The following SMAD2 variants were observed in gnomAD, a reference collection of about 807,000 sequenced individuals.
SMAD2 encodes MAD homolog 2.
Under a neutral mutation model 64.4 loss-of-function variants are expected in SMAD2, and 8 were observed. That is an observed-to-expected ratio of 0.12 (90% CI 0.07 to 0.22). SMAD2 has a LOEUF of 0.22. Among genes scored for constraint, SMAD2 ranks in the 10% least tolerant of loss-of-function variants. The pLI, the probability that SMAD2 is intolerant of heterozygous loss-of-function variation, is 1.00. For missense variants in SMAD2, 289 were observed against 561.2 expected (o/e 0.51, Z 4.90); for synonymous variants, 203 against 195.8 (o/e 1.04, Z -0.31).
intron 2 of SMAD2, among the ~76,000 whole-genome samples, chr18:47,891,262 G>A (rs1308992470): frequency 5.3e-5 from 8 of 152,124 alleles, no homozygotes; most frequent in Non-Finnish European, 7.4e-5. Flanking sequence ...CCGAGATCCC[G>A]CCACTGCACC....
At position 47,814,014 on chromosome 18, in the gene SMAD2, T is replaced by C. The variant is rs1050266464; in HGVS notation, c.*27813A>G. The C allele has an allele frequency of 2.6e-5, 4 of 152,060 alleles. No homozygotes were observed. The highest frequency in any genetic ancestry group is 5.9e-5 in the Non-Finnish European group (4 of 68,046). The allele number at this position is 152,060 out of a possible 1,614,324, so 9.4% of individuals were successfully genotyped here. A position where few individuals can be genotyped will look rare whatever the true frequency, so the allele number is the denominator to read the frequency against. ...CTGTGGTGGAGGTGATAACCTGAAC[T>C]TGGCTTTGAGGAATAAAGAGTTTTA... On this transcript the variant is annotated 3_prime_UTR_variant, in exon 11 of 11. Coordinates refer to ENST00000262160, the MANE Select transcript of SMAD2 (RefSeq NM_005901.6).
chr18:47,828,418 CCT>C lies in SMAD2; in HGVS notation c.*13407_*13408del, dbSNP rs1336994376. 1.5e-3 allele frequency: 245 copies of C among 159,162 alleles called. No individual in the cohort carries two copies. The highest frequency in any genetic ancestry group is 5.7e-3 in the African/African-American group (236 of 41,272). 9.9% of individuals were successfully genotyped at this position (159,162 alleles called of 1,614,324 possible). Reference sequence around the variant, plus strand: ...AGGAGCCCCTCTGCCCGGCCGCCACCCTGTCTGGGAGGTGTACCCAACAGCTC... The same window carrying C: ...AGGAGCCCCTCTGCCCGGCCGCCACCGTCTGGGAGGTGTACCCAACAGCTC... On this transcript the variant is annotated 3_prime_UTR_variant, in exon 11 of 11. Coordinates refer to ENST00000262160, the MANE Select transcript of SMAD2 (RefSeq NM_005901.6).
Position 47,812,135 on chromosome 18 carries a change from C to T in SMAD2, c.*29692G>A, listed in dbSNP as rs1188341381. 1 of 152,122 alleles carries T rather than the reference C, an allele frequency of 6.6e-6. No individual in the cohort carries two copies. Among genetic ancestry groups the T allele is most frequent in the Non-Finnish European group, 1.5e-5 (1 of 68,032 alleles). 9.4% of individuals were successfully genotyped at this position (152,122 alleles called of 1,614,324 possible). Reference sequence around the variant, plus strand: ...CTTGAATTGGAGCTCCCATAATTCCCCATATTATGTGAGGGACCCAGTGAG... The same window carrying T: ...CTTGAATTGGAGCTCCCATAATTCCTCATATTATGTGAGGGACCCAGTGAG... On this transcript the variant is annotated 3_prime_UTR_variant, in exon 11 of 11. Transcript: ENST00000262160.
At position 47,821,621 on chromosome 18, in the gene SMAD2, T is replaced by A. The variant is rs1444522746; in HGVS notation, c.*20206A>T. 1.3e-5 allele frequency: 2 copies of A among 152,232 alleles called. No homozygotes were observed. The highest frequency in any genetic ancestry group is 4.8e-5 in the African/African-American group (2 of 41,468). The allele number at this position is 152,232 out of a possible 1,614,324, so 9.4% of individuals were successfully genotyped here. A position where few individuals can be genotyped will look rare whatever the true frequency, so the allele number is the denominator to read the frequency against. Reference sequence around the variant, plus strand: ...CTGATTAAATTCAAGTACCTTTTCATCAGATTCAACTTTCAGTATATCCAA... The same window carrying A: ...CTGATTAAATTCAAGTACCTTTTCAACAGATTCAACTTTCAGTATATCCAA... On this transcript the variant is annotated 3_prime_UTR_variant, in exon 11 of 11. Coordinates refer to ENST00000262160, the MANE Select transcript of SMAD2 (RefSeq NM_005901.6).
At position 47,817,095 on chromosome 18, in the gene SMAD2, C is replaced by T. The variant is rs990754242; in HGVS notation, c.*24732G>A. The stretch of plus-strand genomic sequence containing the variant: ...CGTATTTCTACAGCAATGCTGTATT[C>T]CCAAATAGAGTTTTCTTTTAGAGAG... On this transcript the variant is annotated 3_prime_UTR_variant, in exon 11 of 11. Coordinates refer to ENST00000262160, the MANE Select transcript of SMAD2 (RefSeq NM_005901.6). 2 of 152,100 alleles carry T rather than the reference C, an allele frequency of 1.3e-5. No individual in the cohort carries two copies. Among genetic ancestry groups the T allele is most frequent in the East Asian group, 3.9e-4 (2 of 5,166 alleles). The allele number at this position is 152,100 out of a possible 1,614,324, so 9.4% of individuals were successfully genotyped here. A position where few individuals can be genotyped will look rare whatever the true frequency, so the allele number is the denominator to read the frequency against.
At chr18:47,926,141 C>A (rs77542307) in intron 1 of SMAD2, among the ~76,000 whole-genome samples, 3,418 of 152,306 alleles carry the variant, frequency 0.022, 125 homozygotes, top group African/African-American at 0.078. Flanking sequence ...ATCTGAATGG[C>A]TGTCTGAATG....
In SMAD2 at chr18:47,814,503, T is replaced by C. The variant is rs931262818; in HGVS notation, c.*27324A>G. The C allele has an allele frequency of 1.3e-5, 2 of 152,202 alleles. No individual in the cohort carries two copies. The highest frequency in any genetic ancestry group is 4.8e-5 in the African/African-American group (2 of 41,438). The allele number at this position is 152,202 out of a possible 1,614,324, so 9.4% of individuals were successfully genotyped here. On this transcript the variant is annotated 3_prime_UTR_variant, in exon 11 of 11. Coordinates refer to ENST00000262160, the MANE Select transcript of SMAD2 (RefSeq NM_005901.6). ...AGAATACGATGTGAGAAGAGTCTCT[T>C]CATTAGGCAGGAGTGGAATGACTCC...
intron 1 of SMAD2, among the ~76,000 whole-genome samples, chr18:47,914,011 A>G (rs778658497): frequency 1.3e-5 from 2 of 152,272 alleles, no homozygotes; most frequent in East Asian, 1.9e-4. Context: ...GAAAGTTTCA[A>G]TAAGGTAAGA....
intron 6 of SMAD2, among the ~76,000 whole-genome samples, chr18:47,857,381 T>C (rs190674240): frequency 1.3e-5 from 2 of 152,224 alleles, no homozygotes. Flanking sequence ...TCTTAGGTTT[T>C]ACATATTTCC....
chr18:47,897,931 C>A (rs564203789), intron 1 of SMAD2, among the ~76,000 whole-genome samples: 1 of 152,268 alleles, frequency 6.6e-6, no homozygotes, highest in African/African-American at 2.4e-5. Flanking sequence ...AAAAGGCATC[C>A]TTTTTAGAAA....
At chr18:47,925,880 G>A (rs2034741584) in intron 1 of SMAD2, among the ~76,000 whole-genome samples, 1 of 152,196 alleles carries the variant, frequency 6.6e-6, no homozygotes, top group Non-Finnish European at 1.5e-5. Context: ...GAAGTCACAT[G>A]ACAAGAGTCA....
Position 47,837,110 on chromosome 18 carries a change from T to C in SMAD2, c.*4717A>G, listed in dbSNP as rs1913484813. 1 of 202,432 alleles carries C rather than the reference T, an allele frequency of 4.9e-6. No homozygotes were observed. Among genetic ancestry groups the C allele is most frequent in the Non-Finnish European group, 1.0e-5 (1 of 98,420 alleles). The allele number at this position is 202,432 out of a possible 1,614,324, so 12.5% of individuals were successfully genotyped here. A position where few individuals can be genotyped will look rare whatever the true frequency, so the allele number is the denominator to read the frequency against. On this transcript the variant is annotated 3_prime_UTR_variant, in exon 11 of 11. Coordinates refer to ENST00000262160, the MANE Select transcript of SMAD2 (RefSeq NM_005901.6). The stretch of plus-strand genomic sequence containing the variant: ...TGCCATTTGCCAGTCACAAAGACAT[T>C]TACTGAACAGAATTTTTGAGCCATT...
chr18:47,909,807 CA>C (rs2034050230), intron 1 of SMAD2, among the ~76,000 whole-genome samples: 1 of 152,178 alleles, frequency 6.6e-6, no homozygotes, highest in Non-Finnish European at 1.5e-5. Context: ...TGACATTGGA[CA>C]ATGTCGCTGG....
intron 6 of SMAD2, among the ~76,000 whole-genome samples, chr18:47,852,903 A>G (rs12956483): frequency 0.36 from 54,427 of 152,090 alleles, 10,879 homozygotes; most frequent in Middle Eastern, 0.53. Context: ...TTTGCTATAA[A>G]CATTGTTAAA....
chr18:47,892,640 T>C (rs1017882807), intron 2 of SMAD2, among the ~76,000 whole-genome samples: 1 of 121,004 alleles, frequency 8.3e-6, no homozygotes, highest in African/African-American at 2.7e-5. Context: ...TAAAATAAGC[T>C]TAAGTGTTCT....
Position 47,833,429 on chromosome 18 carries a change from G to A in SMAD2, c.*8398C>T, listed in dbSNP as rs2144256878. 1 of 226,326 alleles carries A rather than the reference G, an allele frequency of 4.4e-6. No homozygotes were observed. Among genetic ancestry groups the A allele is most frequent in the Non-Finnish European group, 8.8e-6 (1 of 113,510 alleles). The allele number at this position is 226,326 out of a possible 1,614,324, so 14.0% of individuals were successfully genotyped here. On this transcript the variant is annotated 3_prime_UTR_variant, in exon 11 of 11. Transcript: ENST00000262160. ...ATAAAAATAAAAAAGGAACCACATC[G>A]TACTTTTGACAATCATAGAACGAAA...
At chr18:47,849,604 A>G (rs1480221928) in intron 7 of SMAD2, among the ~76,000 whole-genome samples, 2 of 152,110 alleles carry the variant, frequency 1.3e-5, no homozygotes, top group Non-Finnish European at 2.9e-5. Context: ...AAAAGGGTGT[A>G]GTATTTCCAT....
At position 47,833,372 on chromosome 18, in the gene SMAD2, C is replaced by T. The variant is rs1304627617; in HGVS notation, c.*8455G>A. 4.5e-6 allele frequency: 1 copy of T among 221,896 alleles called. No homozygotes were observed. Among genetic ancestry groups the T allele is most frequent in the Non-Finnish European group, 9.0e-6 (1 of 110,878 alleles). The allele number at this position is 221,896 out of a possible 1,614,324, so 13.7% of individuals were successfully genotyped here. A position where few individuals can be genotyped will look rare whatever the true frequency, so the allele number is the denominator to read the frequency against. The stretch of plus-strand genomic sequence containing the variant: ...GTATTCAACAATTTTAACTTGAAAA[C>T]CAGCTGTAATAAAGCCTCAGCTCAT... On this transcript the variant is annotated 3_prime_UTR_variant, in exon 11 of 11. Coordinates refer to ENST00000262160, the MANE Select transcript of SMAD2 (RefSeq NM_005901.6).
intron 8 of SMAD2, among the ~76,000 whole-genome samples, chr18:47,846,103 G>T (rs1914465044): frequency 6.6e-6 from 1 of 152,030 alleles, no homozygotes; most frequent in Admixed American, 6.6e-5. Flanking sequence ...ATAAGTAAAA[G>T]ATTGAGTTAA....
Sources: gnomAD v4.1 joint callset for allele counts (sites outside exome capture counted in the v4.1 genomes callset) on GRCh38, gnomAD v4.1.1 for gene constraint, MANE v1.5 for transcripts, NCBI Gene and HGNC (gene_info 2026-07-23, HGNC 2026-07-21) for gene names.